COL9A1: variants seen among roughly 807,000 people sequenced by gnomAD.
COL9A1 encodes the protein collagen alpha-1(IX) chain.
COL9A1 carries 104 observed loss-of-function variants against 142.6 expected under a neutral mutation model. That is an observed-to-expected ratio of 0.73 (90% CI 0.62 to 0.86). The LOEUF is 0.86. COL9A1 is among the 40% of genes least tolerant of loss of function. The pLI is 0.00. For missense variants in COL9A1, 1,210 were observed against 1,176.6 expected (o/e 1.03, Z -0.42); for synonymous variants, 466 against 396.0 (o/e 1.18, Z -2.10).
chr6:70,218,842 T>C (rs2127545982), intron 37 of COL9A1, among the ~76,000 whole-genome samples: 1 of 152,332 alleles, frequency 6.6e-6, no homozygotes, highest in South Asian at 2.1e-4. Context: ...CACAAAGCAA[T>C]GTCATAGGGC....
chr6:70,254,361 A>G, intron 25 of COL9A1, 115 bp downstream of exon 25: 1 of 886,642 alleles, frequency 1.1e-6, no homozygotes, highest in South Asian at 1.6e-5. Flanking sequence ...ATGTAAAAGT[A>G]AAACATCATA....
intron 5 of COL9A1, among the ~76,000 whole-genome samples, chr6:70,291,603 A>T (rs568491607): frequency 6.6e-6 from 1 of 152,292 alleles, no homozygotes. Context: ...TACTCAATGA[A>T]AGTTTACTAG....
In COL9A1 at chr6:70,239,976, G is replaced by A. The variant is rs541346456; in HGVS notation, c.2080-690C>T. 1.2e-4 allele frequency among the ~76,000 whole-genome samples: 19 copies of A among 152,212 alleles called. No individual in the cohort carries two copies. The South Asian group carries it at 3.1e-3, about 25-fold the overall frequency. ...TATTAGCTCTAAATCCTGAAAATAT[G>A]AATAAAACATTTCTAGGATTTTTTT... On this transcript the variant is annotated intron_variant, in intron 32 of 37. Transcript: ENST00000357250.
intron 14 of COL9A1, 51 bp downstream of exon 14, chr6:70,271,604 C>T: frequency 6.4e-7 from 1 of 1,553,338 alleles, no homozygotes; most frequent in Non-Finnish European, 8.9e-7. Context: ...TCCCAAATAA[C>T]ATCTTCTATT....
At chr6:70,226,412 A>T (rs2182998) in intron 36 of COL9A1, among the ~76,000 whole-genome samples, 33,395 of 152,038 alleles carry the variant, frequency 0.22, 3,953 homozygotes, top group Non-Finnish European at 0.27. Flanking sequence ...TTTATCACTA[A>T]TATATAACTT....
chr6:70,270,367 C>A lies in COL9A1; in HGVS notation c.1144G>T (p.Gly382Cys), dbSNP rs762355305. 1 of 1,613,328 alleles carries A rather than the reference C, an allele frequency of 6.2e-7. No individual in the cohort carries two copies. The highest frequency in any genetic ancestry group is 8.5e-7 in the Non-Finnish European group (1 of 1,179,698). ...GGTGGTCCTCTTCTCCCAGGGTCAC[C>A]CTAAGTTATTTGAAAATTGCGACAC... ...PGELGRVGPV[G>C]DPGRRGPPGP... The change falls in exon 15 of 38, where the codon GGT (glycine) becomes TGT (cysteine). Residue 382 changes from glycine to cysteine, a missense_variant and splice_region_variant. Gly to Cys is a radical substitution (Grantham distance 159). Coordinates refer to ENST00000357250, the MANE Select transcript of COL9A1 (RefSeq NM_001851.6).
intron 6 of COL9A1, chr6:70,283,359 T>A (rs1773297301): frequency 1.1e-5 from 10 of 904,484 alleles, no homozygotes; most frequent in Non-Finnish European, 1.6e-5. Context: ...TCTGCCTCCA[T>A]CCCATCCACC....
At position 70,270,339 on chromosome 6, in the gene COL9A1, C is replaced by A; in HGVS notation, c.1172G>T (p.Gly391Val). ...TCTGGGTCCTGGGGGGCCAGGGGGGCCAGGTGGTCCTCTTCTCCCAGGGTC... is the reference window on the plus strand; with the variant it reads ...TCTGGGTCCTGGGGGGCCAGGGGGGACAGGTGGTCCTCTTCTCCCAGGGTC... ...VGDPGRRGPP[G>V]PPGPPGPRGT... The change falls in exon 15 of 38, where the codon GGC becomes GTC. Residue 391 changes from glycine (G) to valine (V), a missense_variant. Gly to Val is a moderately radical substitution (Grantham distance 109). Coordinates refer to ENST00000357250, the MANE Select transcript of COL9A1 (RefSeq NM_001851.6). 6.2e-7 allele frequency: 1 copy of A among 1,613,608 alleles called. No homozygotes were observed. Among genetic ancestry groups the A allele is most frequent in the South Asian group, 1.1e-5 (1 of 91,036 alleles).
At chr6:70,283,313 C>T (rs1773294551) in intron 6 of COL9A1, 2 of 1,262,850 alleles carry the variant, frequency 1.6e-6, no homozygotes, top group South Asian at 1.6e-5. Flanking sequence ...TTAACCCCTT[C>T]CCTGCCGCCG....
chr6:70,293,944 C>A (rs1773750808), intron 5 of COL9A1, among the ~76,000 whole-genome samples: 1 of 152,160 alleles, frequency 6.6e-6, no homozygotes. Flanking sequence ...GTATGGCTTT[C>A]TTTCTAAGTT....
At chr6:70,269,942 A>G (rs1772281333) in intron 15 of COL9A1, among the ~76,000 whole-genome samples, 1 of 152,224 alleles carries the variant, frequency 6.6e-6, no homozygotes, top group South Asian at 2.1e-4. Flanking sequence ...AAATAAAAAT[A>G]TGAATTACCT....
chr6:70,280,308 T>TC, intron 10 of COL9A1: 2 of 1,218,234 alleles, frequency 1.6e-6, no homozygotes, highest in Middle Eastern at 3.3e-4. Flanking sequence ...AGTGCATCTT[T>TC]CTTTTTCACA....
At chr6:70,215,824 C>CA (rs1768464063), downstream of COL9A1, 1 of 151,966 alleles carries the variant, frequency 6.6e-6, no homozygotes, top group Admixed American at 6.6e-5. Flanking sequence ...AAATACTATA[C>CA]AAAAATATAG....
intron 16 of COL9A1, among the ~76,000 whole-genome samples, chr6:70,269,074 A>C (rs1267712482): frequency 6.6e-6 from 1 of 152,226 alleles, no homozygotes; most frequent in Non-Finnish European, 1.5e-5. Flanking sequence ...AAAAGTGTAG[A>C]GAATATAATA....
In COL9A1 at chr6:70,281,065, A is replaced by G. The variant is rs202062918; in HGVS notation, c.877-26T>C. The G allele has an allele frequency of 4.0e-4, 634 of 1,598,958 alleles. 1 individual carries two copies. The highest frequency in any genetic ancestry group is 6.7e-4 in the Middle Eastern group (4 of 5,958). On this transcript the variant is annotated intron_variant, in intron 8 of 37. Coordinates refer to ENST00000357250, the MANE Select transcript of COL9A1 (RefSeq NM_001851.6). The stretch of plus-strand genomic sequence containing the variant: ...CTGGAGGGGTAGGAGAAAAAGAGAG[A>G]GCAGTCTATGAGCGGGATAGGCTGA...
chr6:70,298,180 G>A (rs147453429), intron 4 of COL9A1, among the ~76,000 whole-genome samples: 266 of 152,304 alleles, frequency 1.7e-3, no homozygotes, highest in African/African-American at 6.2e-3. Flanking sequence ...TCATATACAT[G>A]CATTTTCTCC....
intron 23 of COL9A1, 50 bp downstream of exon 23, chr6:70,255,100 A>C (rs755362359): frequency 1.2e-6 from 2 of 1,610,276 alleles, no homozygotes; most frequent in South Asian, 2.2e-5. Context: ...TTTCATTGCA[A>C]GTCAATGATC....
At chr6:70,239,200 C>G (rs901123016) in intron 33 of COL9A1, 54 bp downstream of exon 33, 2 of 1,105,524 alleles carry the variant, frequency 1.8e-6, no homozygotes, top group Non-Finnish European at 2.7e-6. Flanking sequence ...ATATATTCTA[C>G]AGCTTTATTA....
rs557058174 is a variant in COL9A1 at position 70,239,708 on chromosome 6, C to T, written c.2080-422G>A. ...TTTAAAAGTCATCCCCAAAAGTCTACTAAACCAAATATGCCTGTTTTTATG... is the reference window on the plus strand; with the variant it reads ...TTTAAAAGTCATCCCCAAAAGTCTATTAAACCAAATATGCCTGTTTTTATG... On this transcript the variant is annotated intron_variant, in intron 32 of 37. Transcript: ENST00000357250. Among the ~76,000 whole-genome samples the T allele has an allele frequency of 3.3e-5, 5 of 152,298 alleles. No individual in the cohort carries two copies. The South Asian group carries it at 6.2e-4, about 19-fold the overall frequency.
Sources: gnomAD v4.1 joint callset for allele counts (sites outside exome capture counted in the v4.1 genomes callset) on GRCh38, gnomAD v4.1.1 for gene constraint, MANE v1.5 for transcripts, NCBI Gene and HGNC (gene_info 2026-07-23, HGNC 2026-07-21) for gene names.